Variants in ZP4 observed in about 807,000 individuals in gnomAD.
The protein encoded by ZP4 is zona pellucida sperm-binding protein 4.
In ZP4, 62 loss-of-function variants were observed where a neutral mutation model predicts 62.3. The ratio of observed to expected loss-of-function variants is 0.99; its 90% confidence interval spans 0.81 to 1.23. The LOEUF is 1.23. Among genes scored for constraint, ZP4 ranks in the 50% most tolerant of loss-of-function variants. The probability of loss-of-function intolerance (pLI) is 0.00; values close to 1 mark genes in which losing one functional copy is unlikely to be tolerated. For missense variants in ZP4, 774 were observed against 656.0 expected (o/e 1.18, Z -1.97); for synonymous variants, 289 against 247.3 (o/e 1.17, Z -1.58).
At chr1:237,883,533 G>A (rs1479803493) in intron 10 of ZP4, among the ~76,000 whole-genome samples, 1 of 150,138 alleles carries the variant, frequency 6.7e-6, no homozygotes, top group Non-Finnish European at 1.5e-5. Context: ...TGGCCAACGT[G>A]GTGAATCCCT....
At chr1:237,887,298 T>G in intron 5 of ZP4, 76 bp downstream of exon 5, 1 of 1,527,612 alleles carries the variant, frequency 6.5e-7, no homozygotes. Context: ...GGCCAACATA[T>G]TTCAGCTCTC....
rs774228856 is a variant in ZP4, at chr1:237,885,201, C to A, written c.1275G>T (p.Val425=). The A allele has an allele frequency of 1.2e-6, 2 of 1,614,106 alleles. No homozygotes were observed. The highest frequency in any genetic ancestry group is 1.1e-5 in the South Asian group (1 of 91,076). Residue 425 remains valine (V), a synonymous_variant, in exon 9 of 12, where the codon GTG becomes GTT. Coordinates refer to ENST00000366570, the MANE Select transcript of ZP4 (RefSeq NM_021186.5). Reference sequence around the variant, plus strand: ...GGGCCTGTTTCTCCACTGTAGGGTTCACAAAGCTGAAGGTGAAGATGCTGA... The same window carrying A: ...GGGCCTGTTTCTCCACTGTAGGGTTAACAAAGCTGAAGGTGAAGATGCTGA... ...QRFSIFTFSF[V]NPTVEKQALR...
chr1:237,888,780 T>G (rs570805), intron 3 of ZP4, among the ~76,000 whole-genome samples: 1 of 151,932 alleles, frequency 6.6e-6, no homozygotes, highest in Admixed American at 6.6e-5. Flanking sequence ...AGTTGGGGGG[T>G]TTCTTACTCC....
At position 237,885,150 on chromosome 1, in the gene ZP4, A is replaced by C; in HGVS notation, c.1311+15T>G. On this transcript the variant is annotated intron_variant, in intron 9 of 11. Coordinates refer to ENST00000366570, the MANE Select transcript of ZP4 (RefSeq NM_021186.5). Reference sequence around the variant, plus strand: ...TTCAGAGCCCTGGTGAGTGTCATGGAAGGGAACATCCTACCGGTCCCCTGA... The same window carrying C: ...TTCAGAGCCCTGGTGAGTGTCATGGCAGGGAACATCCTACCGGTCCCCTGA... 6.2e-7 allele frequency: 1 copy of C among 1,611,482 alleles called. No individual in the cohort carries two copies. The highest frequency in any genetic ancestry group is 8.5e-7 in the Non-Finnish European group (1 of 1,178,820).
Position 237,885,166 on chromosome 1 carries a change from G to T in ZP4, c.1310C>A (p.Pro437Gln). Residue 437 changes from proline to glutamine, a missense_variant and splice_region_variant, in exon 9 of 12, where the codon CCG (proline) becomes CAG (glutamine). Transcript: ENST00000366570. ...GTGTCATGGAAGGGAACATCCTACC[G>T]GTCCCCTGAGGGCCTGTTTCTCCAC... ...PTVEKQALRG[P>Q]VHLHCSVSVC... 1.2e-6 allele frequency: 2 copies of T among 1,613,090 alleles called. No individual in the cohort carries two copies. The highest frequency in any genetic ancestry group is 1.7e-6 in the Non-Finnish European group (2 of 1,179,592).
At chr1:237,887,290 C>A in intron 5 of ZP4, 84 bp downstream of exon 5, 1 of 1,492,824 alleles carries the variant, frequency 6.7e-7, no homozygotes, top group Non-Finnish European at 9.2e-7. Context: ...TCGTTCACGG[C>A]CAACATATTT....
At position 237,885,243 on chromosome 1, in the gene ZP4, G is replaced by T; in HGVS notation, c.1233C>A (p.Pro411=). ...PVQKALDLPF[P]SHHQRFSIFT... is the part of the protein sequence containing the mutation. ...AGATGCTGAAGCGCTGGTGGTGAGA[G>T]GGAAATGGAAGATCCAAGGCTTTCT... The change falls in exon 9 of 12, where the codon CCC becomes CCA. Residue 411 remains proline, a synonymous_variant. Transcript: ENST00000366570. 1 of 1,614,194 alleles carries T rather than the reference G, an allele frequency of 6.2e-7. No individual in the cohort carries two copies. Among genetic ancestry groups the T allele is most frequent in the Non-Finnish European group, 8.5e-7 (1 of 1,180,040 alleles).
At position 237,883,967 on chromosome 1, in the gene ZP4, AACACACACACACACAAACACACACACAC is replaced by A. The variant is rs1665010337; in HGVS notation, c.1390+774_1390+801del. 2.9e-4 allele frequency among the ~76,000 whole-genome samples: 25 copies of A among 86,558 alleles called. No homozygotes were observed. The South Asian group carries it at 4.6e-3, about 16-fold the overall frequency. The allele number at this position is 86,558 out of a possible 152,430, so 56.8% of individuals were successfully genotyped here. ...AGAGCAAGAACTGGTCACACACACA[AACACACACACACACAAACACACACACAC>A]ACACACACACACACACACACAAACA... On this transcript the variant is annotated intron_variant, in intron 10 of 11. Coordinates refer to ENST00000366570, the MANE Select transcript of ZP4 (RefSeq NM_021186.5).
intron 10 of ZP4, among the ~76,000 whole-genome samples, chr1:237,883,651 GGC>G (rs1664974230): frequency 3.2e-4 from 2 of 6,318 alleles, no homozygotes; most frequent in African/African-American, 1.2e-3. Context: ...GGCGGGGGAG[GGC>G]GGGGGAGGGC....
intron 10 of ZP4, among the ~76,000 whole-genome samples, chr1:237,884,025 CACACACAAACACACACAA>C (rs1558531139): frequency 0.038 from 3,885 of 101,458 alleles, 93 homozygotes; most frequent in Non-Finnish European, 0.051. Context: ...CAAACACACA[CACACACAAACACACACAA>C]ACACACACAA....
intron 10 of ZP4, 143 bp downstream of exon 10, chr1:237,884,625 CT>C: frequency 4.3e-6 from 3 of 698,618 alleles, no homozygotes; most frequent in Middle Eastern, 3.3e-4. Flanking sequence ...AGCTAGTCAT[CT>C]TTGTTCTATG....
At chr1:237,885,713 G>T in intron 7 of ZP4, 43 bp downstream of exon 7, 1 of 1,610,214 alleles carries the variant, frequency 6.2e-7, no homozygotes, top group Non-Finnish European at 8.5e-7. Flanking sequence ...CAGAAGACTG[G>T]ATTTAGACTA....
At chr1:237,885,017 A>T (rs1344464194) in intron 9 of ZP4, 148 bp downstream of exon 9, 1 of 1,241,036 alleles carries the variant, frequency 8.1e-7, no homozygotes, top group East Asian at 2.4e-5. Flanking sequence ...GATGTCACTC[A>T]TGTAATTAGT....
At chr1:237,888,190 G>A (rs1022107051) in intron 4 of ZP4, among the ~76,000 whole-genome samples, 168 bp downstream of exon 4, 1 of 152,256 alleles carries the variant, frequency 6.6e-6, no homozygotes, top group African/African-American at 2.4e-5. Flanking sequence ...AGAATGGACA[G>A]TGGGAGTTGT....
At chr1:237,883,724 C>CGGGGGAGGGA (rs1390907091) in intron 10 of ZP4, among the ~76,000 whole-genome samples, 1 of 8,472 alleles carries the variant, frequency 1.2e-4, no homozygotes, top group Non-Finnish European at 2.8e-4. Flanking sequence ...CGGGGGAGGG[C>CGGGGGAGGGA]GGGGGAGGGA....
At chr1:237,885,359 T>A (rs908435370) in intron 8 of ZP4, 32 bp downstream of exon 8, 8 of 1,611,392 alleles carry the variant, frequency 5.0e-6, no homozygotes, top group Non-Finnish European at 5.9e-6. Context: ...TCTTTGAGAA[T>A]TTCAGCACAG....
chr1:237,885,916 G>A lies in ZP4; in HGVS notation c.840-30C>T, dbSNP rs1665091903. On this transcript the variant is annotated intron_variant, in intron 6 of 11. Transcript: ENST00000366570. ...AGAGAAACAAGATTTTAGCTAGTTG[G>A]TTGTGGGAAGTGGGTGTCAGTTACA... The A allele has an allele frequency of 3.1e-6, 5 of 1,612,898 alleles. No individual in the cohort carries two copies. The East Asian group carries it at 1.1e-4, about 36-fold the overall frequency.
chr1:237,884,706 GA>G, intron 10 of ZP4, 62 bp downstream of exon 10: 1 of 1,483,850 alleles, frequency 6.7e-7, no homozygotes, highest in South Asian at 1.2e-5. Context: ...CAGAGACTAG[GA>G]AAGGTTAGAC....
At chr1:237,890,381 A>G in intron 1 of ZP4, 80 bp downstream of exon 1, 1 of 1,526,504 alleles carries the variant, frequency 6.6e-7, no homozygotes, top group Non-Finnish European at 8.9e-7. Flanking sequence ...AAGTATCAAT[A>G]CGGGAAGATA....
Sources: allele counts gnomAD v4.1 joint callset (sites outside exome capture counted in the v4.1 genomes callset), GRCh38; gene constraint gnomAD v4.1.1; transcripts MANE v1.5; gene names NCBI Gene and HGNC (gene_info 2026-07-23, HGNC 2026-07-21).